Variants in ECE1 observed in about 807,000 individuals in gnomAD.
ECE1 encodes the protein endothelin-converting enzyme 1.
A neutral mutation model predicts 98.6 loss-of-function variants in ECE1; 35 were observed. The observed-to-expected ratio is 0.35, with a 90% confidence interval of 0.27 to 0.47. The LOEUF (loss-of-function observed/expected upper bound fraction) is 0.47, where lower values mean the gene tolerates loss of function less well. ECE1 is among the 20% of genes least tolerant of loss of function. The pLI, the probability that ECE1 is intolerant of heterozygous loss-of-function variation, is 1.00. For missense variants in ECE1, 814 were observed against 1,025.3 expected, an observed-to-expected ratio of 0.79 and a Z score of 2.81; for synonymous variants, 394 against 407.1, an observed-to-expected ratio of 0.97 and a Z score of 0.39.
rs755084137 is a variant in ECE1, at chr1:21,225,487, C to G, written c.1850-47G>C. On this transcript the variant is annotated intron_variant, in intron 16 of 18. Transcript: ENST00000374893. The surrounding 1 kb of genome is among the most constrained non-coding windows in gnomAD (Gnocchi z 5.3). ...CATGTCAAGGGAGGGAGGGGCACAG[C>G]AGGGACCTGCTGCTCCTCCCTGCTC... The G allele has an allele frequency of 6.3e-7, 1 of 1,597,494 alleles. No individual in the cohort carries two copies. The highest frequency in any genetic ancestry group is 1.1e-5 in the South Asian group (1 of 89,554).
chr1:21,315,408 A>AGGTGATCTAC (rs1479390646), intron 1 of ECE1, among the ~76,000 whole-genome samples: 2 of 152,168 alleles, frequency 1.3e-5, no homozygotes, highest in Non-Finnish European at 2.9e-5. Context: ...CCCAGGCCAA[A>AGGTGATCTAC]GGTGATCTAC....
intron 10 of ECE1, among the ~76,000 whole-genome samples, chr1:21,243,950 A>G (rs549949092): frequency 6.6e-6 from 1 of 152,138 alleles, no homozygotes; most frequent in Non-Finnish European, 1.5e-5. Context: ...TGCCAGAGGT[A>G]GGTTTGCATG....
At chr1:21,252,053 C>T (rs757632744) in intron 8 of ECE1, among the ~76,000 whole-genome samples, 9 of 152,182 alleles carry the variant, frequency 5.9e-5, no homozygotes, top group Non-Finnish European at 1.2e-4. Flanking sequence ...TTGGGAAAAT[C>T]GACAAGTTTA....
intron 3 of ECE1, among the ~76,000 whole-genome samples, chr1:21,274,823 G>C (rs756129297): frequency 2.6e-4 from 39 of 152,188 alleles, no homozygotes; most frequent in Admixed American, 1.6e-3. Flanking sequence ...TCACAGCCGA[G>C]AGGTGTGCCA....
intron 1 of ECE1, among the ~76,000 whole-genome samples, chr1:21,308,717 G>A (rs1014510544): frequency 2.0e-5 from 3 of 150,940 alleles, no homozygotes; most frequent in African/African-American, 7.5e-5. Context: ...AACAGCCTTT[G>A]TGCATGGGAG....
chr1:21,312,389 T>G (rs1241083122), intron 1 of ECE1, among the ~76,000 whole-genome samples: 1 of 150,622 alleles, frequency 6.6e-6, no homozygotes, highest in East Asian at 2.0e-4. Context: ...CAGTGAGCTG[T>G]GATTGCATCC....
At chr1:21,318,213 G>A (rs1161913786) in intron 1 of ECE1, among the ~76,000 whole-genome samples, 2 of 152,170 alleles carry the variant, frequency 1.3e-5, no homozygotes, top group Non-Finnish European at 2.9e-5. Context: ...GGAGGCCCTC[G>A]TGTGGACTCG....
At chr1:21,255,499 C>T (rs939700067) in intron 8 of ECE1, among the ~76,000 whole-genome samples, 1 of 152,214 alleles carries the variant, frequency 6.6e-6, no homozygotes, top group Non-Finnish European at 1.5e-5. Flanking sequence ...CTGCGGCTGG[C>T]TCCTCTGCCA....
At chr1:21,241,492 G>A (rs1046711621) in intron 10 of ECE1, among the ~76,000 whole-genome samples, 2 of 146,024 alleles carry the variant, frequency 1.4e-5, no homozygotes, top group African/African-American at 2.6e-5. Flanking sequence ...GTGTGATACC[G>A]GCTCACTGCA....
At chr1:21,301,495 AAAACAAAC>A (rs139949223) in intron 1 of ECE1, among the ~76,000 whole-genome samples, 40 of 150,864 alleles carry the variant, frequency 2.7e-4, no homozygotes, top group African/African-American at 7.6e-4. Context: ...TCCGTCTCAA[AAAACAAAC>A]AAACAAACAA....
At chr1:21,232,286 C>A (rs2098182767) in intron 14 of ECE1, among the ~76,000 whole-genome samples, 2 of 151,290 alleles carry the variant, frequency 1.3e-5, no homozygotes, top group Non-Finnish European at 2.9e-5. Context: ...TTTGAGGAGA[C>A]AGTTTTTTTT....
Position 21,225,215 on chromosome 1 carries a change from T to A in ECE1, c.2040+35A>T. The A allele has an allele frequency of 2.5e-6, 4 of 1,611,724 alleles. No individual in the cohort carries two copies. Among genetic ancestry groups the A allele is most frequent in the Non-Finnish European group, 3.4e-6 (4 of 1,179,066 alleles). On this transcript the variant is annotated intron_variant, in intron 17 of 18. Transcript: ENST00000374893. This position sits in a 1 kb window ranked among gnomAD's most constrained non-coding sequence, Gnocchi z 5.3. ...ACAGGCATCTGGAAGGAGCCAGCACTGGGACCGTGCGCGTGTGGGGAGCGG... is the reference window on the plus strand; with the variant it reads ...ACAGGCATCTGGAAGGAGCCAGCACAGGGACCGTGCGCGTGTGGGGAGCGG...
At chr1:21,321,066 G>T (rs759306293) in intron 1 of ECE1, among the ~76,000 whole-genome samples, 4 of 152,130 alleles carry the variant, frequency 2.6e-5, no homozygotes, top group Non-Finnish European at 4.4e-5. Context: ...CCCTGTGCTG[G>T]AGGTACTACC....
chr1:21,272,067 TC>T (rs1276347813), intron 4 of ECE1, among the ~76,000 whole-genome samples: 1 of 152,092 alleles, frequency 6.6e-6, no homozygotes, highest in Non-Finnish European at 1.5e-5. Context: ...AGCCACCAGT[TC>T]TTGTGTACAC....
At chr1:21,227,719 A>G (rs1005068524) in intron 15 of ECE1, among the ~76,000 whole-genome samples, 1 of 152,130 alleles carries the variant, frequency 6.6e-6, no homozygotes, top group African/African-American at 2.4e-5. Flanking sequence ...TGATTCCATG[A>G]GATGCTCCCA....
At chr1:21,246,381 C>T (rs899046766) in intron 9 of ECE1, among the ~76,000 whole-genome samples, 5 of 151,462 alleles carry the variant, frequency 3.3e-5, no homozygotes, top group Admixed American at 2.0e-4. Context: ...CGCCTATAAT[C>T]CCAGCTGTTT....
chr1:21,335,027 C>A (rs1639278767), intron 1 of ECE1, among the ~76,000 whole-genome samples: 1 of 152,130 alleles, frequency 6.6e-6, no homozygotes, highest in African/African-American at 2.4e-5. Context: ...GCCCCACAGA[C>A]AAGGCTGTCC....
chr1:21,287,487 C>T (rs754938295), intron 2 of ECE1, among the ~76,000 whole-genome samples: 38 of 152,274 alleles, frequency 2.5e-4, no homozygotes, highest in Non-Finnish European at 4.6e-4. Context: ...GATCGCGCCA[C>T]TGCACTCCAG....
chr1:21,235,899 TA>T lies in ECE1; in HGVS notation c.1516del (p.Tyr506ThrfsTer55). On this transcript the variant is annotated frameshift_variant, in exon 13 of 19. Coordinates refer to ENST00000374893, the MANE Select transcript of ECE1 (RefSeq NM_001397.3). LOFTEE classifies it high-confidence loss of function. This position sits in a 1 kb window ranked among gnomAD's most constrained non-coding sequence, Gnocchi z 4.2. Reference protein sequence around the residue: ...KADAIYNMIGYPNFIMDPKEL... With the variant: ...KADAIYNMIGXPNFIMDPKEL... ...CTTGGGATCCATGATGAAGTTGGGG[TA>T]TCCTATCATGTTGTAGATGGCATCG... The T allele has an allele frequency of 1.2e-6, 2 of 1,614,138 alleles. No individual in the cohort carries two copies. The highest frequency in any genetic ancestry group is 8.5e-7 in the Non-Finnish European group (1 of 1,180,024).
Sources: allele counts gnomAD v4.1 joint callset (sites outside exome capture counted in the v4.1 genomes callset), GRCh38; gene constraint gnomAD v4.1.1; non-coding constraint Gnocchi (gnomAD v3.1); transcripts MANE v1.5; gene names NCBI Gene and HGNC (gene_info 2026-07-23, HGNC 2026-07-21).